SEC22A: variants seen among roughly 807,000 people sequenced by gnomAD.
SEC22A encodes the protein vesicle-trafficking protein SEC22a.
Under a neutral mutation model 35.3 loss-of-function variants are expected in SEC22A, and 22 were observed. The observed-to-expected ratio is 0.62, with a 90% CI of 0.45 to 0.89. The LOEUF is 0.89. SEC22A is among the 40% of genes least tolerant of loss of function. The pLI, the probability that SEC22A is intolerant of heterozygous loss-of-function variation, is 0.00. For missense variants in SEC22A, 354 were observed against 362.5 expected (o/e 0.98, Z 0.19); for synonymous variants, 119 against 129.5 (o/e 0.92, Z 0.55).
chr3:123,237,085 A>G (rs1937436662), intron 4 of SEC22A, among the ~76,000 whole-genome samples: 1 of 152,184 alleles, frequency 6.6e-6, no homozygotes, highest in South Asian at 2.1e-4. Context: ...GAAAGTAGCC[A>G]TAGATGTTAT....
intron 2 of SEC22A, among the ~76,000 whole-genome samples, chr3:123,211,565 C>T (rs552113213): frequency 6.6e-6 from 1 of 152,118 alleles, no homozygotes; most frequent in Non-Finnish European, 1.5e-5. Context: ...CTCAAGTGAT[C>T]CTCCCACTTC....
At chr3:123,254,723 ATTTC>A (rs1452596828) in intron 5 of SEC22A, among the ~76,000 whole-genome samples, 1 of 146,982 alleles carries the variant, frequency 6.8e-6, no homozygotes, top group Non-Finnish European at 1.5e-5. Flanking sequence ...TTTACCCTCT[ATTTC>A]TTTTCTTTTC....
intron 6 of SEC22A, among the ~76,000 whole-genome samples, chr3:123,264,019 A>G (rs1216388938): frequency 1.3e-5 from 2 of 151,980 alleles, no homozygotes; most frequent in South Asian, 2.1e-4. Flanking sequence ...ACTGGGCTCA[A>G]ACCTCCTGAG....
chr3:123,210,467 C>A (rs9855356), intron 2 of SEC22A, among the ~76,000 whole-genome samples: 29,812 of 152,058 alleles, frequency 0.2, 3,034 homozygotes, highest in Middle Eastern at 0.27. Flanking sequence ...AGTGCGTCTC[C>A]TTGGTAAAAA....
chr3:123,209,635 T>C (rs1347118616), intron 2 of SEC22A, among the ~76,000 whole-genome samples: 1 of 152,228 alleles, frequency 6.6e-6, no homozygotes, highest in Non-Finnish European at 1.5e-5. Context: ...CTCTTTTAAG[T>C]TGATCACTAA....
intron 2 of SEC22A, among the ~76,000 whole-genome samples, chr3:123,220,867 C>CATATAT (rs563341393): frequency 0.019 from 1,811 of 97,432 alleles, 128 homozygotes; most frequent in African/African-American, 0.056. Context: ...AAAAAGGTCT[C>CATATAT]ATATATATAT....
At chr3:123,216,258 A>G (rs905152144) in intron 2 of SEC22A, among the ~76,000 whole-genome samples, 1 of 152,172 alleles carries the variant, frequency 6.6e-6, no homozygotes, top group Non-Finnish European at 1.5e-5. Context: ...CTGATCAGTT[A>G]TCTAAAAAAG....
intron 4 of SEC22A, among the ~76,000 whole-genome samples, chr3:123,233,771 T>G (rs1287778109): frequency 6.6e-6 from 1 of 152,188 alleles, no homozygotes; most frequent in Non-Finnish European, 1.5e-5. Context: ...GGATGCTTTT[T>G]CCTAAGATCC....
At chr3:123,208,240 T>C (rs1415596903) in intron 1 of SEC22A, 7 of 152,252 alleles carry the variant, frequency 4.6e-5, no homozygotes, top group Admixed American at 1.3e-4. Flanking sequence ...TATTCTGTTA[T>C]ATGAATATAC....
At chr3:123,258,019 A>G (rs1937780721) in intron 5 of SEC22A, among the ~76,000 whole-genome samples, 1 of 151,562 alleles carries the variant, frequency 6.6e-6, no homozygotes, top group Admixed American at 6.6e-5. Flanking sequence ...GGAAGGAAGG[A>G]AAAGAGAGAA....
intron 1 of SEC22A, among the ~76,000 whole-genome samples, chr3:123,205,328 T>C (rs531637818): frequency 2.2e-4 from 33 of 152,306 alleles, no homozygotes; most frequent in African/African-American, 7.7e-4. Flanking sequence ...CTGACAACCT[T>C]GTAATAATTT....
chr3:123,269,625 A>AT (rs35895285), intron 6 of SEC22A, among the ~76,000 whole-genome samples: 1,908 of 89,430 alleles, frequency 0.021, 41 homozygotes, highest in African/African-American at 0.039. Flanking sequence ...AAGGACATGA[A>AT]TTTTTTTTTT....
intron 1 of SEC22A, among the ~76,000 whole-genome samples, chr3:123,205,261 GA>G (rs373435216): frequency 2.0e-4 from 30 of 152,232 alleles, no homozygotes; most frequent in African/African-American, 6.7e-4. Flanking sequence ...GTGGTAGAAA[GA>G]GGTTTAATTT....
chr3:123,261,970 C>T (rs1937903363), intron 6 of SEC22A, among the ~76,000 whole-genome samples: 1 of 152,126 alleles, frequency 6.6e-6, no homozygotes. Flanking sequence ...CAAATTCATG[C>T]TTTAAAAAAG....
intron 6 of SEC22A, among the ~76,000 whole-genome samples, chr3:123,260,131 C>CAAAAAAAAAAAAAAAAAAAAAAAAAAAA (rs533386545): frequency 4.0e-5 from 2 of 49,784 alleles, no homozygotes; most frequent in African/African-American, 9.8e-5. Flanking sequence ...GACTACATCT[C>CAAAAAAAAAAAAAAAAAAAAAAAAAAAA]AAAAAAAAAA....
chr3:123,257,332 G>A (rs1937755479), intron 5 of SEC22A, among the ~76,000 whole-genome samples: 1 of 152,140 alleles, frequency 6.6e-6, no homozygotes, highest in Non-Finnish European at 1.5e-5. Flanking sequence ...AATTAAATAA[G>A]TGTCCCAGAT....
chr3:123,221,929 T>G (rs1353520892), intron 2 of SEC22A, among the ~76,000 whole-genome samples: 1 of 152,130 alleles, frequency 6.6e-6, no homozygotes, highest in Non-Finnish European at 1.5e-5. Flanking sequence ...CTGAACCATT[T>G]GAGAGAAACT....
At position 123,214,625 on chromosome 3, in the gene SEC22A, C is replaced by A. The variant is rs575239166; in HGVS notation, c.182+5226C>A. 2.3e-4 allele frequency among the ~76,000 whole-genome samples: 35 copies of A among 152,188 alleles called. 1 individual carries two copies. The South Asian group carries it at 6.8e-3, about 30-fold the overall frequency. On this transcript the variant is annotated intron_variant, in intron 2 of 6. Transcript: ENST00000492595. The stretch of plus-strand genomic sequence containing the variant: ...ATTTTTAATGAATAAACTTATGTTA[C>A]CACTTAAGAAAAAAACATGGCTAAA...
intron 1 of SEC22A, chr3:123,204,585 A>ATT (rs1468309817): frequency 2.0e-5 from 3 of 152,200 alleles, no homozygotes; most frequent in African/African-American, 7.2e-5. Context: ...GTGTCTTATT[A>ATT]TCTTGGGTCC....
Sources: allele counts gnomAD v4.1 joint callset (sites outside exome capture counted in the v4.1 genomes callset), GRCh38; gene constraint gnomAD v4.1.1; transcripts MANE v1.5; gene names NCBI Gene and HGNC (gene_info 2026-07-23, HGNC 2026-07-21).